The following PIEZO1 variants were observed in gnomAD, a reference collection of about 807,000 sequenced individuals.
The protein encoded by PIEZO1 is piezo-type mechanosensitive ion channel component 1.
A neutral mutation model predicts 297.2 loss-of-function variants in PIEZO1; 296 were observed. The ratio of observed to expected loss-of-function variants is 1.00; its 90% CI spans 0.91 to 1.10. The LOEUF (loss-of-function observed/expected upper bound fraction) is 1.10. Among genes scored for constraint, PIEZO1 ranks in the 50% least tolerant of loss-of-function variants. PIEZO1 has a pLI of 0.00. For missense variants in PIEZO1, 5,018 were observed against 3,455.5 expected (o/e 1.45, Z -11.34); for synonymous variants, 2,427 against 1,507.5 (o/e 1.61, Z -14.13).
At chr16:88,757,000 C>G (rs1378930838) in intron 1 of PIEZO1, among the ~76,000 whole-genome samples, 2 of 150,946 alleles carry the variant, frequency 1.3e-5, no homozygotes, top group Non-Finnish European at 3.0e-5. Context: ...GGCGTGAACC[C>G]AGGAGATGGA....
Position 88,743,837 on chromosome 16 carries a change from G to C in PIEZO1, c.161-1415C>G, listed in dbSNP as rs544479625. Reference sequence around the variant, plus strand: ...GGGTTGCCCCAGGCCCTGACCTGCTGACCCTGCAGCTATGACCTCTGACCT... The same window carrying C: ...GGGTTGCCCCAGGCCCTGACCTGCTCACCCTGCAGCTATGACCTCTGACCT... On this transcript the variant is annotated intron_variant, in intron 2 of 50. Coordinates refer to ENST00000301015, the MANE Select transcript of PIEZO1 (RefSeq NM_001142864.4). 2.2e-4 allele frequency: 80 copies of C among 359,320 alleles called. 2 individuals are homozygous for C. The highest frequency in any genetic ancestry group is 1.4e-3 in the South Asian group (68 of 49,234). 22.3% of individuals were successfully genotyped at this position (359,320 alleles called of 1,614,324 possible).
intron 1 of PIEZO1, among the ~76,000 whole-genome samples, chr16:88,772,205 C>G (rs1201463243): frequency 1.3e-5 from 2 of 152,250 alleles, no homozygotes; most frequent in East Asian, 1.9e-4. Flanking sequence ...CATTGAGACC[C>G]CAGATCCAGC....
At chr16:88,756,217 C>T (rs756803967) in intron 1 of PIEZO1, among the ~76,000 whole-genome samples, 3 of 152,168 alleles carry the variant, frequency 2.0e-5, no homozygotes, top group Admixed American at 6.5e-5. Context: ...GTGTGCAGGA[C>T]GCCCACACCC....
In PIEZO1 at chr16:88,721,628, G is replaced by C. The variant is rs1348332082; in HGVS notation, c.5313C>G (p.Pro1771=). Residue 1771 remains proline (P), a synonymous_variant, in exon 38 of 51, where the codon CCC becomes CCG. Transcript: ENST00000301015. ...RRYENKPYFP[P]RILGLEKTDG... ...CAGTCTTCTCCAGGCCCAGGATGCG[G>C]GGCGGGAAGTAGGGCTTGTTCTCGT... is the stretch of plus-strand genomic sequence containing the variant. The C allele has an allele frequency of 1.9e-6, 3 of 1,550,294 alleles. No homozygotes were observed. The Admixed American group carries it at 5.9e-5, about 30-fold the overall frequency.
intron 10 of PIEZO1, chr16:88,737,272 G>T (rs1364298634): frequency 2.6e-6 from 1 of 387,392 alleles, no homozygotes; most frequent in African/African-American, 2.2e-5. Flanking sequence ...ATTCTCTGGG[G>T]AGGGGTTGGG....
rs760402707 is a variant in PIEZO1, at chr16:88,727,210, C to T, written c.3302-18G>A. On this transcript the variant is annotated intron_variant, in intron 23 of 50. Transcript: ENST00000301015. ...AAAGTCGCCTGCAGGACACAGGAGC[C>T]GCCGCTGTGCCACACGGGGACCCAC... The T allele has an allele frequency of 3.8e-5, 58 of 1,519,504 alleles. No individual in the cohort carries two copies. The highest frequency in any genetic ancestry group is 6.9e-5 in the African/African-American group (5 of 72,298). 94.1% of individuals were successfully genotyped at this position (1,519,504 alleles called of 1,614,324 possible). A position where few individuals can be genotyped will look rare whatever the true frequency, so the allele number is the denominator to read the frequency against.
At position 88,722,622 on chromosome 16, in the gene PIEZO1, C is replaced by T. The variant is rs1028677086; in HGVS notation, c.4736G>A (p.Gly1579Asp). The change falls in exon 35 of 51, where the codon GGC (glycine) becomes GAC (aspartate). Residue 1579 changes from glycine to aspartate, a missense_variant. Coordinates refer to ENST00000301015, the MANE Select transcript of PIEZO1 (RefSeq NM_001142864.4). ...TGGGGCATTGGGGGCCTCGGTGGGG[C>T]CTGGCAGCGTGGCCTCGGCCTGGCT... ...YTSQAEATLP[G>D]PTEAPNAPST... 25 of 1,538,352 alleles carry T rather than the reference C, an allele frequency of 1.6e-5. No individual in the cohort carries two copies. The highest frequency in any genetic ancestry group is 1.7e-5 in the Non-Finnish European group (19 of 1,145,906).
rs1268631838 is a variant in PIEZO1, at chr16:88,734,619, C to A, written c.1997+31G>T. The A allele has an allele frequency of 1.9e-6, 3 of 1,549,546 alleles. No individual in the cohort carries two copies. In the Admixed American group the frequency reaches 5.9e-5, roughly 30 times the overall value. ...CGGGGAAGTGCACGGGGTTTCGGCGCCCCTGCCCCACCGCCCCAGCCTGGA... is the reference window on the plus strand; with the variant it reads ...CGGGGAAGTGCACGGGGTTTCGGCGACCCTGCCCCACCGCCCCAGCCTGGA... On this transcript the variant is annotated intron_variant, in intron 15 of 50. Transcript: ENST00000301015.
rs986766841 is a variant in PIEZO1, at chr16:88,721,791, C to T, written c.5214+17G>A. The T allele has an allele frequency of 2.0e-6, 3 of 1,536,698 alleles. No homozygotes were observed. The highest frequency in any genetic ancestry group is 2.6e-6 in the Non-Finnish European group (3 of 1,141,586). On this transcript the variant is annotated intron_variant, in intron 37 of 50. Transcript: ENST00000301015. ...CGCGGTGGGCCGGGCGCCCCCTCCC[C>T]CGCGGCCTCGGCCCACCTCGGTGAA... is the stretch of plus-strand genomic sequence containing the variant.
At chr16:88,778,335 T>C (rs1567490129) in intron 1 of PIEZO1, among the ~76,000 whole-genome samples, 1 of 152,124 alleles carries the variant, frequency 6.6e-6, no homozygotes, top group Non-Finnish European at 1.5e-5. Flanking sequence ...TGTCCCTCTT[T>C]AGCCTGAACC....
At position 88,732,409 on chromosome 16, in the gene PIEZO1, G is replaced by A; in HGVS notation, c.2917C>T (p.Gln973Ter). ...CCGAGCAGATCCTGGTCCAGCTGCT[G>A]GCGGGTGCCGCTGGCAAACACGGCC... is the stretch of plus-strand genomic sequence containing the variant. ...AQAVFASGTR[Q>*]QLDQDLLGCL... The change falls in exon 21 of 51, where the codon CAG (glutamine) becomes TAG (stop). Residue 973 changes from glutamine (Q) to a stop codon, truncating the protein, a stop_gained. Transcript: ENST00000301015. LOFTEE classifies it high-confidence loss of function. 6.5e-7 allele frequency: 1 copy of A among 1,549,804 alleles called. No homozygotes were observed. Among genetic ancestry groups the A allele is most frequent in the Non-Finnish European group, 8.7e-7 (1 of 1,146,558 alleles).
chr16:88,719,921 G>T lies in PIEZO1; in HGVS notation c.6204C>A (p.Phe2068Leu). 2 of 1,550,406 alleles carry T rather than the reference G, an allele frequency of 1.3e-6. No homozygotes were observed. Among genetic ancestry groups the T allele is most frequent in the Non-Finnish European group, 1.7e-6 (2 of 1,146,956 alleles). ...ACAGGGCGAAGTAGATGCACTTCAC[G>T]AAGTACCAGAGCTGGGCCACCACAT... is the stretch of plus-strand genomic sequence containing the variant. Reference protein sequence around the residue: ...NQNVVAQLWYFVKCIYFALSA... With the variant: ...NQNVVAQLWYLVKCIYFALSA... Residue 2068 changes from phenylalanine (F) to leucine (L), a missense_variant, in exon 43 of 51, where the codon TTC becomes TTA. Transcript: ENST00000301015.
intron 31 of PIEZO1, 117 bp from the exon 32 acceptor site, chr16:88,723,445 A>ACCTCCGTGTCCCTGAGCCC: frequency 1.7e-6 from 2 of 1,210,802 alleles, no homozygotes; most frequent in South Asian, 2.8e-5. Flanking sequence ...TCTCCCAGGG[A>ACCTCCGTGTCCCTGAGCCC]CCTCCGTGTC....
chr16:88,719,381 C>T, intron 44 of PIEZO1, 193 bp downstream of exon 44: 1 of 599,694 alleles, frequency 1.7e-6, no homozygotes. Flanking sequence ...CTTCTGCGCC[C>T]AGCACTCACT....
rs556790346 is a variant in PIEZO1 at position 88,727,294 on chromosome 16, C to T, written c.3302-102G>A. 358 of 1,314,374 alleles carry T rather than the reference C, an allele frequency of 2.7e-4. 1 individual carries two copies. The highest frequency in any genetic ancestry group is 3.5e-4 in the Non-Finnish European group (344 of 985,344). 81.4% of individuals were successfully genotyped at this position (1,314,374 alleles called of 1,614,324 possible). On this transcript the variant is annotated intron_variant, in intron 23 of 50. Transcript: ENST00000301015. ...CACCCCAGGCCTGTCGGCGTGCAGC[C>T]GCTGGGAGCGGACACACGTCTGCCT...
intron 1 of PIEZO1, among the ~76,000 whole-genome samples, chr16:88,764,065 C>A (rs989656247): frequency 3.3e-5 from 5 of 152,184 alleles, no homozygotes; most frequent in Admixed American, 2.6e-4. Context: ...GAGCTGGGTC[C>A]TCAGGGAAGG....
intron 44 of PIEZO1, chr16:88,717,589 G>A (rs1488959372): frequency 2.1e-6 from 1 of 470,196 alleles, no homozygotes; most frequent in Admixed American, 2.3e-5. Flanking sequence ...AGAACTTTTA[G>A]AAGAAAACGG....
In PIEZO1 at chr16:88,778,602, G is replaced by A. The variant is rs146681423; in HGVS notation, c.64+6299C>T. Among the ~76,000 whole-genome samples, 61 of 152,290 alleles carry A rather than the reference G, an allele frequency of 4.0e-4. No homozygotes were observed. In the East Asian group the frequency reaches 0.011, roughly 27 times the overall value. On this transcript the variant is annotated intron_variant, in intron 1 of 50. Transcript: ENST00000301015. ...CCTGGCAGCGCCCGGCAGGACAGCC[G>A]TCCACTGCACACCTCAGAGCCGGCA...
rs1427516371 is a variant in PIEZO1, at chr16:88,738,325, G to C, written c.750C>G (p.Val250=). 2.0e-6 allele frequency: 3 copies of C among 1,535,778 alleles called. No homozygotes were observed. The highest frequency in any genetic ancestry group is 1.7e-4 in the Middle Eastern group (1 of 6,010). The change falls in exon 7 of 51, where the codon GTC becomes GTG. Residue 250 remains valine, a synonymous_variant. Transcript: ENST00000301015. ...ISTRGFSRLC[V]AVGCFGAGHL... is the part of the protein sequence containing the mutation. ...GGCCGGCGCCGAAGCACCCCACCGCGACGCAGAGTCTGCTGAAGCCCCGAG... is the reference window on the plus strand; with the variant it reads ...GGCCGGCGCCGAAGCACCCCACCGCCACGCAGAGTCTGCTGAAGCCCCGAG...
Sources: gnomAD v4.1 joint callset for allele counts (sites outside exome capture counted in the v4.1 genomes callset) on GRCh38, gnomAD v4.1.1 for gene constraint, MANE v1.5 for transcripts, NCBI Gene and HGNC (gene_info 2026-07-23, HGNC 2026-07-21) for gene names.